The following MYO18A variants were observed in gnomAD, a reference collection of about 807,000 sequenced individuals.
MYO18A encodes the protein unconventional myosin-XVIIIa.
Under a neutral mutation model 235.8 loss-of-function variants are expected in MYO18A, and 78 were observed. The ratio of observed to expected loss-of-function variants is 0.33; its 90% CI spans 0.28 to 0.40. The LOEUF (loss-of-function observed/expected upper bound fraction) is 0.40. MYO18A is among the 10% of genes least tolerant of loss of function. The pLI is 1.00. For missense variants in MYO18A, 2,215 were observed against 2,699.3 expected, an observed-to-expected ratio of 0.82 and a Z score of 3.98; for synonymous variants, 977 against 1,077.8, an observed-to-expected ratio of 0.91 and a Z score of 1.83.
Position 29,166,030 on chromosome 17 carries a change from C to CGCA in MYO18A, c.908_910dup (p.Val303_Arg304insLeu). On this transcript the variant is annotated inframe_insertion, in exon 2 of 42. Transcript: ENST00000527372. ...CTCTGGAATGGGCTGCACCTTGAGC[C>CGCA]GCACGCTGTCCCCTGACTGCCGGAT... 1 of 1,613,724 alleles carries CGCA rather than the reference C, an allele frequency of 6.2e-7. No homozygotes were observed. Among genetic ancestry groups the CGCA allele is most frequent in the East Asian group, 2.2e-5 (1 of 44,886 alleles).
At chr17:29,102,258 A>G (rs906151561) in intron 21 of MYO18A, among the ~76,000 whole-genome samples, 4 of 152,198 alleles carry the variant, frequency 2.6e-5, no homozygotes, top group African/African-American at 9.6e-5. Context: ...CCTTCCCAAG[A>G]TAGGCCTGGG....
intron 7 of MYO18A, among the ~76,000 whole-genome samples, chr17:29,119,731 T>C (rs1213733474): frequency 6.6e-6 from 1 of 151,508 alleles, no homozygotes; most frequent in Non-Finnish European, 1.5e-5. Context: ...ACCCGGCTGA[T>C]TTTTGTGTTT....
chr17:29,102,272 C>T (rs564359836), intron 21 of MYO18A, among the ~76,000 whole-genome samples: 28 of 152,310 alleles, frequency 1.8e-4, no homozygotes, highest in African/African-American at 3.6e-4. Context: ...GCCTGGGAAC[C>T]CAGGCATGGG....
At chr17:29,122,097 G>A (rs1411005386) in intron 3 of MYO18A, 69 bp downstream of exon 3, 13 of 1,546,598 alleles carry the variant, frequency 8.4e-6, no homozygotes, top group South Asian at 1.1e-5. Flanking sequence ...AGATGCAGAA[G>A]GCACATTCGC....
Position 29,074,928 on chromosome 17 carries a change from G to A in MYO18A, c.6021-14C>T, listed in dbSNP as rs757940040. The stretch of plus-strand genomic sequence containing the variant: ...TAGCTGGTGGGGCTGCAGGGACCGA[G>A]GAATAAGGTTAGGGACAAATGACAC... On this transcript the variant is annotated splice_polypyrimidine_tract_variant and intron_variant, in intron 41 of 41. Coordinates refer to ENST00000527372, the MANE Select transcript of MYO18A (RefSeq NM_078471.4). This position sits in a 1 kb window ranked among gnomAD's most constrained non-coding sequence, Gnocchi z 4.4. 15 of 1,613,762 alleles carry A rather than the reference G, an allele frequency of 9.3e-6. No homozygotes were observed. In the African/African-American group the frequency reaches 1.9e-4, roughly 20 times the overall value.
chr17:29,078,259 G>C (rs1248223816), intron 41 of MYO18A: 2 of 152,166 alleles, frequency 1.3e-5, no homozygotes, highest in Non-Finnish European at 2.9e-5. Context: ...CAGGTGATCT[G>C]TCTGCCTCAG....
chr17:29,092,231 C>T, intron 34 of MYO18A, 112 bp downstream of exon 34: 1 of 740,826 alleles, frequency 1.3e-6, no homozygotes, highest in Non-Finnish European at 2.3e-6. Context: ...CGTGAAAGGA[C>T]CTGTCACAAG....
chr17:29,079,662 AG>A, intron 41 of MYO18A: 1 of 963,502 alleles, frequency 1.0e-6, no homozygotes, highest in Non-Finnish European at 1.2e-6. Flanking sequence ...CCTGAGGGGC[AG>A]GGAGGACGTT....
rs139695024 is a variant in MYO18A at position 29,091,378 on chromosome 17, C to T, written c.5188-452G>A. On this transcript the variant is annotated intron_variant, in intron 34 of 41. Coordinates refer to ENST00000527372, the MANE Select transcript of MYO18A (RefSeq NM_078471.4). ...TGCCCACTCCCTGGGCATCCAGCCC[C>T]GACAGCCAGTCCCCTCCTTGGGGGA... 8.2e-3 allele frequency: 2,763 copies of T among 337,546 alleles called. 21 individuals are homozygous for T. Among genetic ancestry groups the T allele is most frequent in the Non-Finnish European group, 0.013 (2,285 of 171,704 alleles). The allele number at this position is 337,546 out of a possible 1,614,324, so 20.9% of individuals were successfully genotyped here.
chr17:29,098,307 G>C, intron 24 of MYO18A, 49 bp downstream of exon 24: 6 of 1,611,424 alleles, frequency 3.7e-6, no homozygotes, highest in Non-Finnish European at 5.1e-6. Context: ...GCAGGGGCTG[G>C]GTCTCCCTGC....
At chr17:29,107,431 A>C in intron 19 of MYO18A, 1 of 482,948 alleles carries the variant, frequency 2.1e-6, no homozygotes, top group Non-Finnish European at 3.8e-6. Context: ...AAAAAGGAAC[A>C]GCCTCCTTCA....
At position 29,103,663 on chromosome 17, in the gene MYO18A, G is replaced by A; in HGVS notation, c.3443C>T (p.Ala1148Val). ...RNYIVVDERR[A>V]VEELLECLDL... ...CAAGCACTCCAGCAGCTCCTCCACTGCCTGTGGAGAGAGGCCTCTGTCAGG... is the reference window on the plus strand; with the variant it reads ...CAAGCACTCCAGCAGCTCCTCCACTACCTGTGGAGAGAGGCCTCTGTCAGG... The change falls in exon 21 of 42, where the codon GCA (alanine) becomes GTA (valine). Residue 1148 changes from alanine (A) to valine (V), a missense_variant and splice_region_variant. Ala to Val is a moderately conservative substitution (Grantham distance 64, BLOSUM62 0). Transcript: ENST00000527372. The A allele has an allele frequency of 6.2e-7, 1 of 1,613,676 alleles. No individual in the cohort carries two copies. The highest frequency in any genetic ancestry group is 8.5e-7 in the Non-Finnish European group (1 of 1,179,876).
In MYO18A at chr17:29,166,553, G is replaced by C; in HGVS notation, c.388C>G (p.Gln130Glu). ...CGCTTGACAATCATCTGTGAGTTCT[G>C]CTTGGCCAGTGAGCCGAACTTGGCT... The part of the protein sequence containing the change: ...RAAKFGSLAK[Q>E]NSQMIVKRFS... Residue 130 changes from glutamine to glutamate, a missense_variant, in exon 2 of 42, where the codon CAG becomes GAG. Gln to Glu is a conservative substitution (Grantham distance 29). Transcript: ENST00000527372. The C allele has an allele frequency of 6.2e-7, 1 of 1,613,798 alleles. No individual in the cohort carries two copies. The highest frequency in any genetic ancestry group is 8.5e-7 in the Non-Finnish European group (1 of 1,179,878).
rs1178331589 is a variant in MYO18A at position 29,140,514 on chromosome 17, CT to C, written c.1000-18262del. On this transcript the variant is annotated intron_variant, in intron 2 of 41. Transcript: ENST00000527372. This position sits in a 1 kb window ranked among gnomAD's most constrained non-coding sequence, Gnocchi z 4.2. ...TAGTTGGAGCCAGCAGCCCGGAGGA[CT>C]TCGGGTATCAGGTATGCCAGGAGGG... 3.8e-5 allele frequency: 33 copies of C among 875,346 alleles called. No individual in the cohort carries two copies. The highest frequency in any genetic ancestry group is 4.0e-5 in the Non-Finnish European group (27 of 668,524). 54.2% of individuals were successfully genotyped at this position (875,346 alleles called of 1,614,324 possible).
At chr17:29,080,445 A>G (rs2066091308) in intron 41 of MYO18A, 1 of 985,728 alleles carries the variant, frequency 1.0e-6, no homozygotes, top group Non-Finnish European at 1.2e-6. Context: ...TGGCTCCATC[A>G]TCCCACTCCT....
Position 29,092,509 on chromosome 17 carries a change from G to T in MYO18A, c.5074-53C>A. ...GAGAGATGTCAGCCATTCCTTGGGG[G>T]CAGGAGGGCTGTACAGGAAAGAGGG... On this transcript the variant is annotated intron_variant, in intron 33 of 41. Transcript: ENST00000527372. 16 of 1,435,198 alleles carry T rather than the reference G, an allele frequency of 1.1e-5. No individual in the cohort carries two copies. In the South Asian group the frequency reaches 1.7e-4, roughly 15 times the overall value. 88.9% of individuals were successfully genotyped at this position (1,435,198 alleles called of 1,614,324 possible). A position where few individuals can be genotyped will look rare whatever the true frequency, so the allele number is the denominator to read the frequency against.
chr17:29,112,449 G>A (rs1768229783), intron 15 of MYO18A, among the ~76,000 whole-genome samples: 2 of 152,248 alleles, frequency 1.3e-5, no homozygotes, highest in Admixed American at 1.3e-4. Context: ...GGTAGAGGCT[G>A]GGGCAAGCTA....
intron 2 of MYO18A, among the ~76,000 whole-genome samples, chr17:29,141,548 C>T (rs2152928040): frequency 6.6e-6 from 1 of 152,292 alleles, no homozygotes; most frequent in South Asian, 2.1e-4. Flanking sequence ...CTCTAAGGGC[C>T]ATTGGTTCTA....
At chr17:29,130,914 C>T (rs568263953) in intron 2 of MYO18A, among the ~76,000 whole-genome samples, 14 of 152,272 alleles carry the variant, frequency 9.2e-5, no homozygotes, top group African/African-American at 3.1e-4. Context: ...GAGACAGCAG[C>T]GACTACAGTG....
Sources: allele counts gnomAD v4.1 joint callset (sites outside exome capture counted in the v4.1 genomes callset), GRCh38; gene constraint gnomAD v4.1.1; non-coding constraint Gnocchi (gnomAD v3.1); transcripts MANE v1.5; gene names NCBI Gene and HGNC (gene_info 2026-07-23, HGNC 2026-07-21).